Variants in NTM observed in about 807,000 individuals in gnomAD.
The protein encoded by NTM is neurotrimin, also known as IgLON family member 2.
Under a neutral mutation model 42.1 loss-of-function variants are expected in NTM, and 13 were observed. The ratio of observed to expected loss-of-function variants is 0.31; its 90% CI spans 0.20 to 0.49. The LOEUF (loss-of-function observed/expected upper bound fraction) is 0.49. NTM is among the 20% of genes least tolerant of loss of function. The pLI, the probability that NTM is intolerant of heterozygous loss-of-function variation, is 0.99. For synonymous variants in NTM, 187 were observed against 179.2 expected (o/e 1.04, Z -0.35); for missense variants, 373 against 452.8 (o/e 0.82, Z 1.60).
At chr11:131,632,237 A>C (rs1447194712) in intron 1 of NTM, among the ~76,000 whole-genome samples, 5 of 151,954 alleles carry the variant, frequency 3.3e-5, no homozygotes, top group Non-Finnish European at 7.4e-5. Context: ...TAATTGCTTG[A>C]GTCATGTTGT....
Position 132,330,175 on chromosome 11 carries a change from C to G in NTM, c.957C>G (p.Thr319=). 1 of 1,551,700 alleles carries G rather than the reference C, an allele frequency of 6.4e-7. No individual in the cohort carries two copies. The highest frequency in any genetic ancestry group is 8.7e-7 in the Non-Finnish European group (1 of 1,146,958). ...MLFEVKTTAL[T]PWKGPGAVSE... ...TAGAAGTGAAAACTACAGCCCTGAC[C>G]CCTTGGAAAGGTTTGTATATTTTTC... Residue 319 remains threonine (T), a synonymous_variant, in exon 8 of 9, where the codon ACC becomes ACG. Transcript: ENST00000683400.
At chr11:131,665,259 G>T (rs781737510) in intron 1 of NTM, among the ~76,000 whole-genome samples, 1 of 152,148 alleles carries the variant, frequency 6.6e-6, no homozygotes, top group Non-Finnish European at 1.5e-5. Context: ...TTGTACTACA[G>T]GGTAACAAAT....
intron 2 of NTM, among the ~76,000 whole-genome samples, chr11:131,943,217 G>T (rs1433975112): frequency 6.6e-6 from 1 of 152,114 alleles, no homozygotes. Context: ...TGCAGAGGCC[G>T]CATCTCCACT....
rs140806433 is a variant in NTM at position 132,047,698 on chromosome 11, C to T, written c.168-98584C>T. On this transcript the variant is annotated intron_variant, in intron 2 of 8. Coordinates refer to ENST00000683400, the MANE Select transcript of NTM (RefSeq NM_001352005.2). The stretch of plus-strand genomic sequence containing the variant: ...GGCAGTTTGCAAGCTCAGCTACAGA[C>T]ACATGCCCTCCACAGGCCTCCTTCC... Among the ~76,000 whole-genome samples, 128 of 152,348 alleles carry T rather than the reference C, an allele frequency of 8.4e-4. 1 individual carries two copies. In the East Asian group the frequency reaches 0.01, roughly 12 times the overall value.
At chr11:131,948,611 A>G (rs1565803645) in intron 2 of NTM, among the ~76,000 whole-genome samples, 1 of 152,128 alleles carries the variant, frequency 6.6e-6, no homozygotes, top group Non-Finnish European at 1.5e-5. Context: ...CTTTAGCCAC[A>G]GGGCTTTTGT....
At chr11:131,750,729 ACT>A (rs533434830) in intron 1 of NTM, among the ~76,000 whole-genome samples, 34 of 152,100 alleles carry the variant, frequency 2.2e-4, no homozygotes, top group African/African-American at 8.0e-4. Context: ...CATCTCAGTC[ACT>A]CTCATTGCTG....
intron 1 of NTM, among the ~76,000 whole-genome samples, chr11:131,735,254 C>T (rs747424492): frequency 1.4e-4 from 21 of 152,212 alleles, no homozygotes; most frequent in Non-Finnish European, 2.8e-4. Context: ...CTGCCCAGGT[C>T]CTGGAGAAAG....
intron 1 of NTM, among the ~76,000 whole-genome samples, chr11:131,588,699 G>A (rs1306718822): frequency 1.3e-5 from 2 of 152,140 alleles, no homozygotes; most frequent in Non-Finnish European, 2.9e-5. Context: ...TTTAACACTT[G>A]TAATCAACCT....
At chr11:131,674,122 C>T (rs924286036) in intron 1 of NTM, among the ~76,000 whole-genome samples, 3 of 152,236 alleles carry the variant, frequency 2.0e-5, no homozygotes, top group African/African-American at 7.2e-5. Flanking sequence ...AGGAAGGGTC[C>T]TAGCACGGGG....
chr11:132,068,131 T>C (rs1311495088), intron 2 of NTM, among the ~76,000 whole-genome samples: 1 of 152,226 alleles, frequency 6.6e-6, no homozygotes, highest in Non-Finnish European at 1.5e-5. Context: ...TGTTCAGTCA[T>C]ATACTTGGCG....
chr11:131,607,172 G>A (rs1214812801), intron 1 of NTM, among the ~76,000 whole-genome samples: 2 of 152,118 alleles, frequency 1.3e-5, no homozygotes, highest in Non-Finnish European at 2.9e-5. Flanking sequence ...CCAGGAGCTG[G>A]CAAAAAAGAC....
At chr11:131,695,019 AC>A (rs1015840222) in intron 1 of NTM, among the ~76,000 whole-genome samples, 2 of 152,130 alleles carry the variant, frequency 1.3e-5, no homozygotes, top group African/African-American at 4.8e-5. Flanking sequence ...GCAGTGTTGG[AC>A]GGGCTGGGAG....
chr11:132,241,517 TC>T (rs1465276565), intron 4 of NTM, among the ~76,000 whole-genome samples: 2 of 152,184 alleles, frequency 1.3e-5, no homozygotes, highest in Non-Finnish European at 1.5e-5. Flanking sequence ...TGGGATATTT[TC>T]ACTGTTGAGC....
chr11:132,005,508 A>C (rs2070568287), intron 2 of NTM, among the ~76,000 whole-genome samples: 1 of 152,222 alleles, frequency 6.6e-6, no homozygotes, highest in South Asian at 2.1e-4. Context: ...AATGAGTGAA[A>C]GATGAATGAA....
chr11:131,944,858 A>G (rs1321091648), intron 2 of NTM, among the ~76,000 whole-genome samples: 1 of 152,200 alleles, frequency 6.6e-6, no homozygotes, highest in African/African-American at 2.4e-5. Flanking sequence ...GAACCAAAAC[A>G]CTGCTCCTGG....
chr11:132,180,286 T>C (rs1677713098), intron 3 of NTM, among the ~76,000 whole-genome samples: 2 of 152,070 alleles, frequency 1.3e-5, no homozygotes, highest in African/African-American at 4.8e-5. Flanking sequence ...AGTGAAGACA[T>C]TCAGAAGGTA....
chr11:132,150,199 C>T lies in NTM; in HGVS notation c.400+3685C>T, dbSNP rs1343274478. ...GAGACAGCAGGGACGGTGCCAGGCT[C>T]TTTTTTACCACCAGCTTTCGAGAAA... On this transcript the variant is annotated intron_variant, in intron 3 of 8. Transcript: ENST00000683400. Among the ~76,000 whole-genome samples the T allele has an allele frequency of 2.0e-5, 3 of 152,058 alleles. No homozygotes were observed. The East Asian group carries it at 5.8e-4, about 29-fold the overall frequency.
chr11:131,535,183 G>A (rs1362194232), intron 1 of NTM: 2 of 152,350 alleles, frequency 1.3e-5, no homozygotes, highest in East Asian at 1.9e-4. Context: ...GCAGAAGGAG[G>A]ACTTAATTAA....
intron 1 of NTM, among the ~76,000 whole-genome samples, chr11:131,780,808 G>C (rs987385349): frequency 1.3e-5 from 2 of 152,142 alleles, no homozygotes; most frequent in Non-Finnish European, 2.9e-5. Context: ...CCAGGTGGAA[G>C]GTGAGGCTGT....
Sources: gnomAD v4.1 joint callset for allele counts (sites outside exome capture counted in the v4.1 genomes callset) on GRCh38, gnomAD v4.1.1 for gene constraint, MANE v1.5 for transcripts, NCBI Gene and HGNC (gene_info 2026-07-23, HGNC 2026-07-21) for gene names.